Variants in LRRC4C observed in about 807,000 individuals in gnomAD.
The protein encoded by LRRC4C is leucine-rich repeat-containing protein 4C.
A neutral mutation model predicts 33.6 loss-of-function variants in LRRC4C; 5 were observed. The observed-to-expected ratio is 0.15, with a 90% CI of 0.08 to 0.31. The LOEUF is 0.31. LRRC4C is among the 10% of genes least tolerant of loss of function. The probability of loss-of-function intolerance (pLI) is 1.00; values close to 1 mark genes in which losing one functional copy is unlikely to be tolerated. For missense variants in LRRC4C, 560 were observed against 796.7 expected (o/e 0.70, Z 3.58); for synonymous variants, 329 against 302.0 (o/e 1.09, Z -0.93).
chr11:41,180,448 A>C (rs1209066534), intron 1 of LRRC4C, among the ~76,000 whole-genome samples: 2 of 152,206 alleles, frequency 1.3e-5, no homozygotes, highest in African/African-American at 4.8e-5. Flanking sequence ...TCCTAGAGAA[A>C]AGAACTTTGA....
At chr11:41,310,736 A>G (rs1200697590) in intron 1 of LRRC4C, among the ~76,000 whole-genome samples, 1 of 152,216 alleles carries the variant, frequency 6.6e-6, no homozygotes, top group Non-Finnish European at 1.5e-5. Flanking sequence ...TAAAAAGTGG[A>G]AGAAAGCCAC....
At chr11:40,644,276 T>A (rs1481344144) in intron 3 of LRRC4C, among the ~76,000 whole-genome samples, 1 of 152,198 alleles carries the variant, frequency 6.6e-6, no homozygotes, top group African/African-American at 2.4e-5. Flanking sequence ...AAAATTAAAA[T>A]CTTTTGTTCT....
intron 1 of LRRC4C, among the ~76,000 whole-genome samples, chr11:41,428,952 A>G (rs1329988378): frequency 6.6e-6 from 1 of 152,132 alleles, no homozygotes; most frequent in Non-Finnish European, 1.5e-5. Flanking sequence ...ACAGAGTTCA[A>G]TGAGTCTTCT....
chr11:40,447,264 A>C (rs547273630), intron 3 of LRRC4C: 1 of 153,090 alleles, frequency 6.5e-6, no homozygotes, highest in East Asian at 1.9e-4. Flanking sequence ...CTCTTGAAAG[A>C]CTGTACTGGA....
At chr11:40,463,961 G>A (rs1008322812) in intron 3 of LRRC4C, among the ~76,000 whole-genome samples, 7 of 151,966 alleles carry the variant, frequency 4.6e-5, no homozygotes, top group Non-Finnish European at 1.0e-4. Flanking sequence ...AATATGGAGG[G>A]AATTATCCCT....
intron 3 of LRRC4C, among the ~76,000 whole-genome samples, chr11:40,393,604 G>A (rs956776803): frequency 2.0e-5 from 3 of 152,096 alleles, no homozygotes; most frequent in South Asian, 2.1e-4. Flanking sequence ...ACTTAACTTC[G>A]GAATATGTGA....
intron 1 of LRRC4C, among the ~76,000 whole-genome samples, chr11:41,439,065 C>T (rs1160585566): frequency 2.6e-5 from 4 of 152,116 alleles, no homozygotes; most frequent in Non-Finnish European, 5.9e-5. Flanking sequence ...TGACTGTCCT[C>T]CCTTTTGGAG....
chr11:40,594,323 G>A (rs545760844), intron 3 of LRRC4C, among the ~76,000 whole-genome samples: 1 of 152,286 alleles, frequency 6.6e-6, no homozygotes, highest in East Asian at 1.9e-4. Flanking sequence ...CTGTGAGGGA[G>A]GTAGAACAAT....
At chr11:40,917,834 G>A (rs1218209460) in intron 2 of LRRC4C, among the ~76,000 whole-genome samples, 1 of 152,096 alleles carries the variant, frequency 6.6e-6, no homozygotes, top group Non-Finnish European at 1.5e-5. Context: ...CAGTCTGCTT[G>A]AATAACATGA....
rs551882588 is a variant in LRRC4C, at chr11:40,708,406, T to C, written c.-406-60128A>G. On this transcript the variant is annotated intron_variant, in intron 2 of 6. Coordinates refer to ENST00000528697, the MANE Select transcript of LRRC4C (RefSeq NM_001258419.2). ...TAAATGTGTCCCAGAGATTCTGGTATGTTGTGTCTTTGTTCTCATTGGTTT... is the reference window on the plus strand; with the variant it reads ...TAAATGTGTCCCAGAGATTCTGGTACGTTGTGTCTTTGTTCTCATTGGTTT... Among the ~76,000 whole-genome samples, 8 of 152,328 alleles carry C rather than the reference T, an allele frequency of 5.3e-5. No homozygotes were observed. In the South Asian group the frequency reaches 1.7e-3, roughly 32 times the overall value.
intron 1 of LRRC4C, among the ~76,000 whole-genome samples, chr11:41,408,122 G>C (rs573337440): frequency 1.3e-5 from 2 of 152,312 alleles, no homozygotes; most frequent in East Asian, 3.9e-4. Flanking sequence ...GAAGGTCAGA[G>C]AGGTTACAAG....
chr11:40,713,487 C>G (rs968530396), intron 2 of LRRC4C, among the ~76,000 whole-genome samples: 6 of 152,108 alleles, frequency 3.9e-5, no homozygotes, highest in Admixed American at 1.3e-4. Flanking sequence ...CCGCTTCTGC[C>G]AGTTGGTAGC....
At chr11:41,408,097 T>C (rs1319076195) in intron 1 of LRRC4C, among the ~76,000 whole-genome samples, 2 of 152,164 alleles carry the variant, frequency 1.3e-5, no homozygotes, top group Admixed American at 1.3e-4. Context: ...AGTCTCAATT[T>C]ACAATTGAAA....
intron 2 of LRRC4C, among the ~76,000 whole-genome samples, chr11:40,908,191 C>T (rs73484712): frequency 0.05 from 7,610 of 152,024 alleles, 256 homozygotes; most frequent in South Asian, 0.14. Context: ...AGGAAGATAA[C>T]ATAAATTGTG....
At chr11:40,284,051 A>C (rs954260420) in intron 4 of LRRC4C, among the ~76,000 whole-genome samples, 1 of 152,128 alleles carries the variant, frequency 6.6e-6, no homozygotes. Context: ...GGTTTTTGCC[A>C]AATACATATA....
chr11:40,547,526 T>G (rs1425152850), intron 3 of LRRC4C, among the ~76,000 whole-genome samples: 6 of 152,048 alleles, frequency 3.9e-5, no homozygotes, highest in Non-Finnish European at 8.8e-5. Context: ...GTACCCTAAA[T>G]TTTTTATCCT....
intron 6 of LRRC4C, among the ~76,000 whole-genome samples, chr11:40,134,201 G>A (rs1311757692): frequency 6.6e-6 from 1 of 152,158 alleles, no homozygotes; most frequent in Non-Finnish European, 1.5e-5. Context: ...AGCCCAGCCT[G>A]TGCAACATAG....
intron 5 of LRRC4C, among the ~76,000 whole-genome samples, chr11:40,240,792 GTAA>G (rs1462040796): frequency 1.3e-5 from 2 of 151,880 alleles, no homozygotes; most frequent in African/African-American, 2.4e-5. Flanking sequence ...CACAATATAG[GTAA>G]TAATATTAAA....
chr11:40,858,858 G>T (rs538810521), intron 2 of LRRC4C, among the ~76,000 whole-genome samples: 1 of 152,144 alleles, frequency 6.6e-6, no homozygotes, highest in East Asian at 1.9e-4. Context: ...CTGATTATCT[G>T]GGACATGGGT....
Sources: allele counts gnomAD v4.1 joint callset (sites outside exome capture counted in the v4.1 genomes callset), GRCh38; gene constraint gnomAD v4.1.1; transcripts MANE v1.5; gene names NCBI Gene and HGNC (gene_info 2026-07-23, HGNC 2026-07-21).